ARHGAP42: variants seen among roughly 807,000 people sequenced by gnomAD.
ARHGAP42 encodes the protein Rho GTPase activating protein 42.
ARHGAP42 carries 63 observed loss-of-function variants against 125.0 expected under a neutral mutation model. The ratio of observed to expected loss-of-function variants is 0.50; its 90% confidence interval spans 0.41 to 0.62. The LOEUF is 0.62. Ranked by LOEUF, ARHGAP42 falls within the 20% of genes least tolerant of loss-of-function variation. The pLI, the probability that ARHGAP42 is intolerant of heterozygous loss-of-function variation, is 0.00. For missense variants in ARHGAP42, 766 were observed against 1,024.2 expected (o/e 0.75, Z 3.44); for synonymous variants, 339 against 351.0 (o/e 0.97, Z 0.38).
At chr11:100,711,915 A>G (rs958437422) in intron 1 of ARHGAP42, among the ~76,000 whole-genome samples, 4 of 152,250 alleles carry the variant, frequency 2.6e-5, no homozygotes, top group East Asian at 1.9e-4. Flanking sequence ...TAGCTAAAAG[A>G]TGTAAAAATA....
chr11:100,963,406 A>G (rs1858009368), intron 16 of ARHGAP42, among the ~76,000 whole-genome samples: 1 of 152,240 alleles, frequency 6.6e-6, no homozygotes, highest in Non-Finnish European at 1.5e-5. Context: ...GCCCATCACA[A>G]CAACCTGTAA....
At chr11:100,941,717 A>G (rs1444286257) in intron 8 of ARHGAP42, 67 bp from the exon 9 acceptor site, 5 of 931,224 alleles carry the variant, frequency 5.4e-6, no homozygotes, top group Non-Finnish European at 8.0e-6. Flanking sequence ...AGCACTGGAG[A>G]ATGTGCAAAC....
intron 3 of ARHGAP42, among the ~76,000 whole-genome samples, chr11:100,801,410 A>G (rs1863848666): frequency 6.6e-6 from 1 of 152,196 alleles, no homozygotes; most frequent in African/African-American, 2.4e-5. Context: ...TGAGTAAACA[A>G]AAATATCGAC....
At chr11:100,902,888 A>G (rs1291156104) in intron 4 of ARHGAP42, among the ~76,000 whole-genome samples, 1 of 152,054 alleles carries the variant, frequency 6.6e-6, no homozygotes, top group East Asian at 1.9e-4. Context: ...GTGAATTTTG[A>G]TCAATTATGG....
chr11:100,783,068 T>G (rs1863351891), intron 2 of ARHGAP42, among the ~76,000 whole-genome samples: 1 of 152,082 alleles, frequency 6.6e-6, no homozygotes, highest in Non-Finnish European at 1.5e-5. Flanking sequence ...CTCCCCAGGG[T>G]GATGACCGTA....
chr11:100,943,131 A>G (rs1175174567), intron 9 of ARHGAP42, among the ~76,000 whole-genome samples: 1 of 151,806 alleles, frequency 6.6e-6, no homozygotes, highest in Non-Finnish European at 1.5e-5. Flanking sequence ...AAACAATCAC[A>G]TTGTATTAGG....
chr11:100,796,308 G>A (rs745573908), intron 3 of ARHGAP42, among the ~76,000 whole-genome samples: 12 of 152,128 alleles, frequency 7.9e-5, no homozygotes, highest in Non-Finnish European at 1.6e-4. Context: ...ATAATAAATG[G>A]TGAGTGTGTT....
intron 1 of ARHGAP42, among the ~76,000 whole-genome samples, chr11:100,697,181 G>GT (rs58180649): frequency 0.22 from 32,810 of 147,194 alleles, 3,748 homozygotes; most frequent in Non-Finnish European, 0.25. Flanking sequence ...TGTTGTTTTG[G>GT]TTTTTTTTTT....
intron 22 of ARHGAP42, among the ~76,000 whole-genome samples, chr11:100,979,271 C>G (rs899331120): frequency 1.3e-5 from 2 of 152,286 alleles, no homozygotes; most frequent in Admixed American, 6.5e-5. Context: ...TAGAAGGGCT[C>G]TAAACAAACA....
intron 3 of ARHGAP42, among the ~76,000 whole-genome samples, chr11:100,827,299 G>A (rs943965950): frequency 3.3e-5 from 5 of 152,062 alleles, no homozygotes; most frequent in African/African-American, 7.2e-5. Flanking sequence ...CACAACGTCC[G>A]GCCAAGCCTT....
intron 6 of ARHGAP42, among the ~76,000 whole-genome samples, chr11:100,922,593 TA>T (rs534442497): frequency 1.1e-4 from 17 of 152,198 alleles, no homozygotes; most frequent in Non-Finnish European, 2.2e-4. Flanking sequence ...GTAAGTCCTT[TA>T]AAAAATCCAT....
At chr11:100,933,036 G>C (rs1441637471) in intron 6 of ARHGAP42, 120 bp from the exon 7 acceptor site, 2 of 639,232 alleles carry the variant, frequency 3.1e-6, no homozygotes, top group Non-Finnish European at 5.0e-6. Context: ...CCTTGCCAAA[G>C]CCATTGAAAA....
At chr11:100,979,834 G>A (rs1858485866) in intron 22 of ARHGAP42, among the ~76,000 whole-genome samples, 1 of 152,066 alleles carries the variant, frequency 6.6e-6, no homozygotes, top group Non-Finnish European at 1.5e-5. Context: ...ACATTTTTGA[G>A]CATCCAATGT....
chr11:100,725,934 C>CA (rs57899188), intron 1 of ARHGAP42, among the ~76,000 whole-genome samples: 33,846 of 99,098 alleles, frequency 0.34, 5,644 homozygotes, highest in African/African-American at 0.4. Context: ...GACTCCGTCT[C>CA]AAAAAAAAAA....
intron 3 of ARHGAP42, among the ~76,000 whole-genome samples, chr11:100,815,292 G>T: frequency 6.6e-6 from 1 of 152,088 alleles, no homozygotes; most frequent in East Asian, 1.9e-4. Context: ...CTTTCATTAT[G>T]TGCGTGTATC....
At chr11:100,986,735 A>T (rs538684008) in intron 22 of ARHGAP42, among the ~76,000 whole-genome samples, 1 of 152,244 alleles carries the variant, frequency 6.6e-6, no homozygotes, top group East Asian at 1.9e-4. Flanking sequence ...TTGCAGATTA[A>T]AGGAGACCTG....
intron 1 of ARHGAP42, among the ~76,000 whole-genome samples, chr11:100,724,701 T>TC (rs1292653411): frequency 6.7e-6 from 1 of 149,842 alleles, no homozygotes; most frequent in Non-Finnish European, 1.5e-5. Flanking sequence ...ATTTTTTTTT[T>TC]CTTGGTTAGC....
chr11:100,869,676 G>GT (rs1222817465), intron 4 of ARHGAP42, among the ~76,000 whole-genome samples: 1 of 152,074 alleles, frequency 6.6e-6, no homozygotes, highest in African/African-American at 2.4e-5. Flanking sequence ...CTATTGGAAA[G>GT]TTTTTTAATT....
chr11:100,878,905 T>C (rs114118938), intron 4 of ARHGAP42, among the ~76,000 whole-genome samples: 2,848 of 151,570 alleles, frequency 0.019, 91 homozygotes, highest in African/African-American at 0.064. Flanking sequence ...ATGTATATAG[T>C]ATATAAAAAT....
Sources: allele counts gnomAD v4.1 joint callset (sites outside exome capture counted in the v4.1 genomes callset), GRCh38; gene constraint gnomAD v4.1.1; transcripts MANE v1.5; gene names NCBI Gene and HGNC (gene_info 2026-07-23, HGNC 2026-07-21).